PLXND1: variants seen among roughly 807,000 people sequenced by gnomAD.
PLXND1 encodes plexin-D1.
A neutral mutation model predicts 197.7 loss-of-function variants in PLXND1; 54 were observed. The observed-to-expected ratio is 0.27, with a 90% CI of 0.22 to 0.34. The LOEUF (loss-of-function observed/expected upper bound fraction) is 0.34. Ranked by LOEUF, PLXND1 falls within the 10% of genes least tolerant of loss-of-function variation. The probability of loss-of-function intolerance (pLI) is 1.00; values close to 1 mark genes in which losing one functional copy is unlikely to be tolerated. For synonymous variants in PLXND1, 1,180 were observed against 1,161.2 expected (o/e 1.02, Z -0.33); for missense variants, 2,127 against 2,699.2 (o/e 0.79, Z 4.70).
rs1433548117 is a variant in PLXND1 at position 129,558,036 on chromosome 3, C to T, written c.5445+392G>A. On this transcript the variant is annotated intron_variant, in intron 33 of 35. Coordinates refer to ENST00000324093, the MANE Select transcript of PLXND1 (RefSeq NM_015103.3). The surrounding 1 kb of genome is among the most constrained non-coding windows in gnomAD (Gnocchi z 4.1). The stretch of plus-strand genomic sequence containing the variant: ...TCTGCCCACCCCTTCACTGAATGCT[C>T]GCTTGAATGGCTTTTGACTTTCAGG... Among the ~76,000 whole-genome samples, 7 of 152,202 alleles carry T rather than the reference C, an allele frequency of 4.6e-5. No homozygotes were observed. The highest frequency in any genetic ancestry group is 1.7e-4 in the African/African-American group (7 of 41,454).
intron 1 of PLXND1, among the ~76,000 whole-genome samples, chr3:129,601,545 T>C (rs987090134): frequency 6.6e-5 from 10 of 152,178 alleles, no homozygotes; most frequent in African/African-American, 2.2e-4. Flanking sequence ...CCTGGGGTCC[T>C]GCCCCATGTG....
rs2084996519 is a variant in PLXND1, at chr3:129,557,834, C to G, written c.5445+594G>C. ...TCCTGCAGTGCCAGCTTTAATGATA[C>G]AATCTCATCCCTGCTCACAGCAACC... On this transcript the variant is annotated intron_variant, in intron 33 of 35. Transcript: ENST00000324093. The surrounding 1 kb of genome is among the most constrained non-coding windows in gnomAD (Gnocchi z 4.8). Among the ~76,000 whole-genome samples the G allele has an allele frequency of 6.6e-6, 1 of 152,180 alleles. No individual in the cohort carries two copies. The highest frequency in any genetic ancestry group is 2.4e-5 in the African/African-American group (1 of 41,442).
At chr3:129,598,106 C>T (rs967345766) in intron 1 of PLXND1, among the ~76,000 whole-genome samples, 1 of 152,200 alleles carries the variant, frequency 6.6e-6, no homozygotes, top group Non-Finnish European at 1.5e-5. Flanking sequence ...TGACAGCATC[C>T]AAGTCTTTAG....
chr3:129,575,235 T>C (rs751432640), intron 11 of PLXND1, among the ~76,000 whole-genome samples: 6 of 151,686 alleles, frequency 4.0e-5, no homozygotes, highest in African/African-American at 1.4e-4. Flanking sequence ...GTGTCCTGTT[T>C]CCTATGGGGA....
chr3:129,575,735 C>G (rs1384395110), intron 10 of PLXND1, 31 bp downstream of exon 10: 1 of 1,508,804 alleles, frequency 6.6e-7, no homozygotes, highest in Admixed American at 1.7e-5. Context: ...GCAGGCCCGC[C>G]CTCCGCCCAT....
At chr3:129,602,592 T>C (rs1032158799) in intron 1 of PLXND1, among the ~76,000 whole-genome samples, 1 of 152,190 alleles carries the variant, frequency 6.6e-6, no homozygotes, top group African/African-American at 2.4e-5. Context: ...GGGCACAGCA[T>C]GGGACTGGGC....
chr3:129,574,526 C>A, intron 11 of PLXND1, 36 bp from the exon 12 acceptor site: 1 of 1,597,952 alleles, frequency 6.3e-7, no homozygotes, highest in Non-Finnish European at 8.5e-7. Context: ...CAGCCCCGCT[C>A]TGCGGTGCAT....
At chr3:129,604,903 A>G (rs2085761087) in intron 1 of PLXND1, among the ~76,000 whole-genome samples, 1 of 152,122 alleles carries the variant, frequency 6.6e-6, no homozygotes, top group Non-Finnish European at 1.5e-5. Context: ...TGCACCCATC[A>G]CCAACGTGCA....
At chr3:129,600,567 A>G (rs918428694) in intron 1 of PLXND1, among the ~76,000 whole-genome samples, 4 of 151,974 alleles carry the variant, frequency 2.6e-5, no homozygotes, top group African/African-American at 7.3e-5. Context: ...TATGGACTGT[A>G]TGCCCATGTA....
At position 129,573,907 on chromosome 3, in the gene PLXND1, G is replaced by T. The variant is rs538864363; in HGVS notation, c.2686-162C>A. Among the ~76,000 whole-genome samples the T allele has an allele frequency of 7.9e-5, 12 of 152,364 alleles. No individual in the cohort carries two copies. In the South Asian group the frequency reaches 2.3e-3, roughly 29 times the overall value. Reference sequence around the variant, plus strand: ...GGGCTGGGACTGTGGCCACTTGGCAGGTCACTGTGCTGGCAAGGAGGATGT... The same window carrying T: ...GGGCTGGGACTGTGGCCACTTGGCATGTCACTGTGCTGGCAAGGAGGATGT... On this transcript the variant is annotated intron_variant, in intron 12 of 35. Transcript: ENST00000324093.
intron 12 of PLXND1, among the ~76,000 whole-genome samples, 164 bp downstream of exon 12, chr3:129,574,172 A>C (rs946489885): frequency 1.3e-5 from 2 of 152,170 alleles, no homozygotes; most frequent in Non-Finnish European, 2.9e-5. Context: ...CCACTGAAAC[A>C]TCAGCTCTGT....
chr3:129,563,325 C>T (rs750769263), intron 25 of PLXND1, 85 bp from the exon 26 acceptor site: 16 of 1,125,710 alleles, frequency 1.4e-5, no homozygotes, highest in African/African-American at 1.4e-4. Flanking sequence ...ACGCCCCCGT[C>T]CCCCAACCCC....
At chr3:129,567,864 C>T (rs933722070) in intron 20 of PLXND1, 59 bp from the exon 21 acceptor site, 39 of 1,020,356 alleles carry the variant, frequency 3.8e-5, no homozygotes, top group African/African-American at 1.4e-4. Flanking sequence ...CCTTTATTGG[C>T]GCCTGCTGTA....
chr3:129,560,463 G>A lies in PLXND1; in HGVS notation c.5029-29C>T, dbSNP rs201468615. ...GGAGGCCGGGCAGTGGTCAGTGTCC[G>A]CACCAGGCCCCATCCTCGGCCGCCT... is the stretch of plus-strand genomic sequence containing the variant. On this transcript the variant is annotated intron_variant, in intron 30 of 35. Coordinates refer to ENST00000324093, the MANE Select transcript of PLXND1 (RefSeq NM_015103.3). The A allele has an allele frequency of 6.7e-5, 99 of 1,480,380 alleles. No individual in the cohort carries two copies. In the East Asian group the frequency reaches 9.6e-4, roughly 14 times the overall value. The allele number at this position is 1,480,380 out of a possible 1,614,324, so 91.7% of individuals were successfully genotyped here.
chr3:129,583,131 C>T (rs914747968), intron 8 of PLXND1, among the ~76,000 whole-genome samples: 1 of 152,148 alleles, frequency 6.6e-6, no homozygotes, highest in Non-Finnish European at 1.5e-5. Context: ...CTGCCTGAGT[C>T]GATGACCTTA....
intron 8 of PLXND1, among the ~76,000 whole-genome samples, chr3:129,580,853 C>T (rs576643269): frequency 6.6e-6 from 1 of 151,968 alleles, no homozygotes; most frequent in African/African-American, 2.4e-5. Flanking sequence ...CCACAATTGC[C>T]CCCATGTTCC....
At chr3:129,574,243 C>G (rs572084756) in intron 12 of PLXND1, 93 bp downstream of exon 12, 2 of 1,217,328 alleles carry the variant, frequency 1.6e-6, no homozygotes, top group East Asian at 5.1e-5. Context: ...GTGTATGTGC[C>G]GTTTGGGTCC....
Position 129,606,599 on chromosome 3 carries a change from C to A in PLXND1, c.41G>T (p.Arg14Leu). 8.3e-7 allele frequency: 1 copy of A among 1,207,768 alleles called. No individual in the cohort carries two copies. Among genetic ancestry groups the A allele is most frequent in the Admixed American group, 4.4e-5 (1 of 22,544 alleles). 74.8% of individuals were successfully genotyped at this position (1,207,768 alleles called of 1,614,324 possible). A position where few individuals can be genotyped will look rare whatever the true frequency, so the allele number is the denominator to read the frequency against. ...CGGCGGGGGGCTGGCGGCGGCGGCC[C>A]GGGCGCTAAGGGGTGCGCCGCCCGC... The part of the protein sequence containing the change: ...RAAGGAPLSA[R>L]AAAASPPPFQ... Residue 14 changes from arginine (R) to leucine (L), a missense_variant, in exon 1 of 36, where the codon CGG (arginine) becomes CTG (leucine). Around this residue, in one of 6 missense-constraint regions of PLXND1, gnomAD observed 245 missense variants for 267.1 expected, o/e 0.92. Coordinates refer to ENST00000324093, the MANE Select transcript of PLXND1 (RefSeq NM_015103.3).
rs760286512 is a variant in PLXND1 at position 129,559,751 on chromosome 3, G to A, written c.5166C>T (p.Phe1722=). The change falls in exon 32 of 36, where the codon TTC becomes TTT. Residue 1722 remains phenylalanine, a synonymous_variant. Transcript: ENST00000324093. ...GTLQKFLDDL[F]KAILSIREDK... ...CTTCACGGATACTCAGAATGGCCTT[G>A]AACAGGTCATCCAGAAACTTCTGCA... The A allele has an allele frequency of 5.6e-6, 9 of 1,610,386 alleles. No homozygotes were observed. The highest frequency in any genetic ancestry group is 1.3e-5 in the African/African-American group (1 of 74,822).
Sources: gnomAD v4.1 joint callset for allele counts (sites outside exome capture counted in the v4.1 genomes callset) on GRCh38, gnomAD v4.1.1 for gene constraint, gnomAD v4.1.1 regional missense constraint, Gnocchi (gnomAD v3.1) non-coding constraint, MANE v1.5 for transcripts, NCBI Gene and HGNC (gene_info 2026-07-23, HGNC 2026-07-21) for gene names.